The following ZNF385B variants were observed in gnomAD, a reference collection of about 807,000 sequenced individuals.
ZNF385B encodes zinc finger protein 385B.
ZNF385B carries 23 observed loss-of-function variants against 39.2 expected under a neutral mutation model. The observed-to-expected ratio is 0.59, with a 90% confidence interval of 0.42 to 0.83. ZNF385B has a LOEUF of 0.83. Among genes scored for constraint, ZNF385B ranks in the 40% least tolerant of loss-of-function variants. ZNF385B has a pLI of 0.00. For synonymous variants in ZNF385B, 205 were observed against 222.6 expected (o/e 0.92, Z 0.70); for missense variants, 552 against 598.9 (o/e 0.92, Z 0.82).
At chr2:179,809,245 C>T (rs1048736268) in intron 1 of ZNF385B, among the ~76,000 whole-genome samples, 4 of 152,076 alleles carry the variant, frequency 2.6e-5, no homozygotes, top group Non-Finnish European at 4.4e-5. Flanking sequence ...CATGGAAGGA[C>T]GGATCAAGAA....
At chr2:179,530,652 G>C (rs535989421) in intron 4 of ZNF385B, among the ~76,000 whole-genome samples, 1 of 152,146 alleles carries the variant, frequency 6.6e-6, no homozygotes, top group African/African-American at 2.4e-5. Flanking sequence ...AACTCCTCCA[G>C]GCAGGAAGAA....
chr2:179,581,575 T>C (rs1353326009), intron 3 of ZNF385B, among the ~76,000 whole-genome samples: 1 of 152,224 alleles, frequency 6.6e-6, no homozygotes, highest in African/African-American at 2.4e-5. Context: ...AATGAGAATG[T>C]CATTTGGTGA....
At chr2:179,699,131 A>AT (rs1350304724) in intron 3 of ZNF385B, among the ~76,000 whole-genome samples, 20 of 134,536 alleles carry the variant, frequency 1.5e-4, no homozygotes, top group African/African-American at 3.2e-4. Flanking sequence ...TATATATATA[A>AT]AATTTACCAT....
intron 3 of ZNF385B, among the ~76,000 whole-genome samples, chr2:179,586,900 G>A (rs1343191072): frequency 2.6e-5 from 4 of 151,954 alleles, no homozygotes; most frequent in East Asian, 1.9e-4. Flanking sequence ...TTAGCCGGGC[G>A]TGGTGGCACG....
chr2:179,732,461 G>A (rs1372441630), intron 3 of ZNF385B, among the ~76,000 whole-genome samples: 1 of 152,192 alleles, frequency 6.6e-6, no homozygotes, highest in African/African-American at 2.4e-5. Flanking sequence ...TCAAAGAGCA[G>A]CAGTCCAGCC....
intron 3 of ZNF385B, among the ~76,000 whole-genome samples, chr2:179,564,480 G>A (rs191357446): frequency 3.3e-5 from 5 of 152,188 alleles, no homozygotes; most frequent in Non-Finnish European, 5.9e-5. Context: ...ATCAATCACC[G>A]TCTTTCTTTA....
chr2:179,665,096 T>C (rs936732423), intron 3 of ZNF385B, among the ~76,000 whole-genome samples: 9 of 152,188 alleles, frequency 5.9e-5, no homozygotes, highest in African/African-American at 2.2e-4. Flanking sequence ...GCCGTACTGA[T>C]CCTCTGGTTC....
At chr2:179,471,344 A>T (rs2052755740) in intron 6 of ZNF385B, among the ~76,000 whole-genome samples, 1 of 152,196 alleles carries the variant, frequency 6.6e-6, no homozygotes, top group Non-Finnish European at 1.5e-5. Flanking sequence ...GAGAAAAATA[A>T]CTCATAATCT....
At chr2:179,770,729 T>C (rs1165236776) in intron 1 of ZNF385B, 57 bp from the exon 2 acceptor site, 3 of 152,126 alleles carry the variant, frequency 2.0e-5, no homozygotes, top group Admixed American at 6.5e-5. Flanking sequence ...AGGAATGAAA[T>C]AGAATAAGAA....
At chr2:179,776,120 A>G (rs1438721777) in intron 1 of ZNF385B, among the ~76,000 whole-genome samples, 3 of 152,252 alleles carry the variant, frequency 2.0e-5, no homozygotes, top group Non-Finnish European at 4.4e-5. Context: ...TCCTGATTGA[A>G]TAAACCCAAC....
At chr2:179,809,656 C>T (rs1245673145) in intron 1 of ZNF385B, among the ~76,000 whole-genome samples, 1 of 151,990 alleles carries the variant, frequency 6.6e-6, no homozygotes, top group East Asian at 1.9e-4. Flanking sequence ...GGGAAAAATA[C>T]AAATTTATTA....
chr2:179,813,121 A>C (rs1706841038), intron 1 of ZNF385B, among the ~76,000 whole-genome samples: 1 of 152,180 alleles, frequency 6.6e-6, no homozygotes, highest in African/African-American at 2.4e-5. Flanking sequence ...GATCATCACT[A>C]TCTCATGATT....
intron 1 of ZNF385B, among the ~76,000 whole-genome samples, chr2:179,777,150 A>G (rs1704372848): frequency 6.6e-6 from 1 of 151,600 alleles, no homozygotes; most frequent in Non-Finnish European, 1.5e-5. Context: ...AAGTATCTCA[A>G]GTTATGATCA....
At chr2:179,807,890 G>T (rs1258976630) in intron 1 of ZNF385B, among the ~76,000 whole-genome samples, 1 of 126,746 alleles carries the variant, frequency 7.9e-6, no homozygotes, top group Non-Finnish European at 1.7e-5. Context: ...GCGAGACTCC[G>T]TCTGAAAGAA....
chr2:179,860,876 G>C (rs1178831167), intron 1 of ZNF385B: 29 of 302,896 alleles, frequency 9.6e-5, no homozygotes, highest in South Asian at 2.3e-4. Flanking sequence ...CCAGGGACTC[G>C]CAGGAGTTAG....
chr2:179,805,208 G>A (rs1490223997), intron 1 of ZNF385B, among the ~76,000 whole-genome samples: 2 of 152,116 alleles, frequency 1.3e-5, no homozygotes, highest in East Asian at 1.9e-4. Context: ...GAACCAAGGC[G>A]TACTGGTTAA....
chr2:179,496,412 GGATA>G (rs2056213288), intron 5 of ZNF385B, among the ~76,000 whole-genome samples: 1 of 152,064 alleles, frequency 6.6e-6, no homozygotes, highest in South Asian at 2.1e-4. Context: ...AAAGAGACAG[GGATA>G]GAAAGTTTAT....
At chr2:179,493,642 CAT>C (rs1212634166) in intron 5 of ZNF385B, among the ~76,000 whole-genome samples, 5 of 86,704 alleles carry the variant, frequency 5.8e-5, no homozygotes, top group South Asian at 8.2e-4. Flanking sequence ...TATGTATACA[CAT>C]ATGCGTATAC....
intron 3 of ZNF385B, among the ~76,000 whole-genome samples, chr2:179,588,817 C>G (rs904667031): frequency 2.6e-5 from 4 of 152,124 alleles, no homozygotes; most frequent in Non-Finnish European, 4.4e-5. Context: ...GGTGGTGAGT[C>G]TGAAAAGGAA....
Sources: allele counts gnomAD v4.1 joint callset (sites outside exome capture counted in the v4.1 genomes callset), GRCh38; gene constraint gnomAD v4.1.1; transcripts MANE v1.5; gene names NCBI Gene and HGNC (gene_info 2026-07-23, HGNC 2026-07-21).